PRKCA: variants seen among roughly 807,000 people sequenced by gnomAD.
PRKCA encodes protein kinase C alpha, also known as protein kinase C alpha type.
In PRKCA, 27 loss-of-function variants were observed where a neutral mutation model predicts 87.0. The ratio of observed to expected loss-of-function variants is 0.31; its 90% CI spans 0.23 to 0.43. PRKCA has a LOEUF of 0.43. Among genes scored for constraint, PRKCA ranks in the 20% least tolerant of loss-of-function variants. The pLI, the probability that PRKCA is intolerant of heterozygous loss-of-function variation, is 1.00. For synonymous variants in PRKCA, 329 were observed against 311.1 expected (o/e 1.06, Z -0.61); for missense variants, 518 against 852.3 (o/e 0.61, Z 4.88).
At chr17:66,735,329 G>A (rs1973999168) in intron 9 of PRKCA, among the ~76,000 whole-genome samples, 160 bp from the exon 10 acceptor site, 1 of 152,190 alleles carries the variant, frequency 6.6e-6, no homozygotes, top group Admixed American at 6.5e-5. Flanking sequence ...GTAGTGATGT[G>A]TAGAATTTAC....
rs1344928771 is a variant in PRKCA, at chr17:66,805,785, C to A, written c.*1748C>A. On this transcript the variant is annotated 3_prime_UTR_variant, in exon 17 of 17. Coordinates refer to ENST00000413366, the MANE Select transcript of PRKCA (RefSeq NM_002737.3). ...GGCATTGCCGCAGCACCTGGGCTGACCTTTGTGTGTGCGTGTGTGTGTGTT... is the reference window on the plus strand; with the variant it reads ...GGCATTGCCGCAGCACCTGGGCTGAACTTTGTGTGTGCGTGTGTGTGTGTT... The A allele has an allele frequency of 6.6e-6, 1 of 151,164 alleles. No homozygotes were observed. Among genetic ancestry groups the A allele is most frequent in the East Asian group, 2.0e-4 (1 of 5,064 alleles). 9.4% of individuals were successfully genotyped at this position (151,164 alleles called of 1,614,324 possible). A position where few individuals can be genotyped will look rare whatever the true frequency, so the allele number is the denominator to read the frequency against.
chr17:66,642,192 C>T (rs951597465), intron 4 of PRKCA, among the ~76,000 whole-genome samples: 2 of 151,664 alleles, frequency 1.3e-5, no homozygotes, highest in South Asian at 4.2e-4. Flanking sequence ...TGCAGTGGCG[C>T]GATGTCGGCT....
intron 2 of PRKCA, among the ~76,000 whole-genome samples, chr17:66,395,299 T>A (rs560171843): frequency 6.6e-6 from 1 of 152,212 alleles, no homozygotes. Flanking sequence ...ATTTTAAATA[T>A]TCTAGTAGCC....
Position 66,792,902 on chromosome 17 carries a change from C to T in PRKCA, c.1854+3923C>T, listed in dbSNP as rs1975575160. Among the ~76,000 whole-genome samples, 1 of 152,178 alleles carries T rather than the reference C, an allele frequency of 6.6e-6. No individual in the cohort carries two copies. The highest frequency in any genetic ancestry group is 6.5e-5 in the Admixed American group (1 of 15,286). ...GTGAGGGAAGAACCTGCCCCTGTGG[C>T]AGTCAACAGTGGGAGAGTCCTGTCC... is the stretch of plus-strand genomic sequence containing the variant. On this transcript the variant is annotated intron_variant, in intron 16 of 16. Transcript: ENST00000413366. The surrounding 1 kb of genome is among the most constrained non-coding windows in gnomAD (Gnocchi z 4.5).
At chr17:66,749,163 C>T (rs998121332) in intron 13 of PRKCA, among the ~76,000 whole-genome samples, 2 of 151,812 alleles carry the variant, frequency 1.3e-5, no homozygotes, top group African/African-American at 4.8e-5. Context: ...GACACCAGGA[C>T]GGGCGGGTAT....
intron 3 of PRKCA, among the ~76,000 whole-genome samples, chr17:66,527,322 G>A (rs1399739154): frequency 6.6e-6 from 1 of 152,132 alleles, no homozygotes; most frequent in Non-Finnish European, 1.5e-5. Context: ...CTGGTGCCTG[G>A]CTGTTGGCAC....
chr17:66,342,376 C>T lies in PRKCA; in HGVS notation c.205+36249C>T, dbSNP rs186919851. ...GGCGGAGGTTGCAGTGAGCCGAGAT[C>T]AGGCCATTGCACTCCAGCCTGAGCA... On this transcript the variant is annotated intron_variant, in intron 2 of 16. Transcript: ENST00000413366. Among the ~76,000 whole-genome samples, 548 of 151,582 alleles carry T rather than the reference C, an allele frequency of 3.6e-3. 4 individuals carry two copies. The highest frequency in any genetic ancestry group is 0.013 in the African/African-American group (532 of 41,314).
intron 10 of PRKCA, among the ~76,000 whole-genome samples, chr17:66,737,042 C>T (rs1974048493): frequency 6.6e-6 from 1 of 152,106 alleles, no homozygotes; most frequent in South Asian, 2.1e-4. Context: ...CGTTGCAGGG[C>T]TTGCAAGTGG....
rs544372998 is a variant in PRKCA at position 66,790,099 on chromosome 17, T to C, written c.1854+1120T>C. Among the ~76,000 whole-genome samples, 8 of 152,318 alleles carry C rather than the reference T, an allele frequency of 5.3e-5. No homozygotes were observed. The South Asian group carries it at 1.7e-3, about 32-fold the overall frequency. On this transcript the variant is annotated intron_variant, in intron 16 of 16. Coordinates refer to ENST00000413366, the MANE Select transcript of PRKCA (RefSeq NM_002737.3). ...TGGTTTCGCTCAAATGTGTCTCCTC[T>C]GACAGGTGCCCCATGAGCAGGCCAG...
chr17:66,649,837 T>C (rs1049566034), intron 5 of PRKCA, among the ~76,000 whole-genome samples: 6 of 151,934 alleles, frequency 3.9e-5, no homozygotes, highest in Admixed American at 6.6e-5. Context: ...GGTGATGAAA[T>C]AGCACACCCT....
chr17:66,614,728 G>A (rs1023489805), intron 3 of PRKCA, among the ~76,000 whole-genome samples: 23 of 152,242 alleles, frequency 1.5e-4, no homozygotes, highest in South Asian at 1.2e-3. Flanking sequence ...GCAGTTCCTC[G>A]TTATGCTTTT....
chr17:66,539,300 A>G (rs971766478), intron 3 of PRKCA, among the ~76,000 whole-genome samples: 6 of 152,230 alleles, frequency 3.9e-5, no homozygotes, highest in African/African-American at 1.4e-4. Context: ...CAAGCCATCA[A>G]GCAGCACAGC....
intron 3 of PRKCA, among the ~76,000 whole-genome samples, chr17:66,540,425 T>G (rs542243281): frequency 6.6e-6 from 1 of 151,808 alleles, no homozygotes; most frequent in East Asian, 1.9e-4. Flanking sequence ...TTTTGCTGCT[T>G]TGGGGGTGAG....
chr17:66,432,150 C>G (rs1298651975), intron 2 of PRKCA, among the ~76,000 whole-genome samples: 1 of 152,154 alleles, frequency 6.6e-6, no homozygotes, highest in African/African-American at 2.4e-5. Context: ...GGCAGCTTTC[C>G]TCAGCAAAGC....
chr17:66,460,896 C>G (rs1439774220), intron 2 of PRKCA, among the ~76,000 whole-genome samples: 1 of 152,156 alleles, frequency 6.6e-6, no homozygotes, highest in Non-Finnish European at 1.5e-5. Flanking sequence ...CTTGTTGTGT[C>G]TGTTTCTTCC....
At chr17:66,452,079 C>T (rs1373398393) in intron 2 of PRKCA, among the ~76,000 whole-genome samples, 2 of 152,178 alleles carry the variant, frequency 1.3e-5, no homozygotes, top group Non-Finnish European at 2.9e-5. Flanking sequence ...CCGTGTATGG[C>T]CCCTCCATGC....
At chr17:66,309,806 C>T (rs942372421) in intron 2 of PRKCA, among the ~76,000 whole-genome samples, 3 of 151,880 alleles carry the variant, frequency 2.0e-5, no homozygotes, top group African/African-American at 4.8e-5. Context: ...TTTTTTCCCC[C>T]GTCAGAGAAA....
chr17:66,561,670 A>G (rs1968682254), intron 3 of PRKCA, among the ~76,000 whole-genome samples: 1 of 152,210 alleles, frequency 6.6e-6, no homozygotes, highest in Non-Finnish European at 1.5e-5. Context: ...TGCCTATTGA[A>G]CAGATGAATG....
At chr17:66,622,752 T>A (rs564259168) in intron 3 of PRKCA, among the ~76,000 whole-genome samples, 5 of 152,322 alleles carry the variant, frequency 3.3e-5, no homozygotes, top group East Asian at 3.9e-4. Flanking sequence ...TGAAAGGCAC[T>A]TCTTAACACG....
Sources: allele counts gnomAD v4.1 joint callset (sites outside exome capture counted in the v4.1 genomes callset), GRCh38; gene constraint gnomAD v4.1.1; non-coding constraint Gnocchi (gnomAD v3.1); transcripts MANE v1.5; gene names NCBI Gene and HGNC (gene_info 2026-07-23, HGNC 2026-07-21).